MEMO1: variants seen among roughly 807,000 people sequenced by gnomAD.
MEMO1 encodes mediator of cell motility 1.
A neutral mutation model predicts 45.2 loss-of-function variants in MEMO1; 6 were observed. The ratio of observed to expected loss-of-function variants is 0.13; its 90% CI spans 0.07 to 0.26. MEMO1 has a LOEUF of 0.26. Among genes scored for constraint, MEMO1 ranks in the 10% least tolerant of loss-of-function variants. The probability of loss-of-function intolerance (pLI) is 1.00; values close to 1 mark genes in which losing one functional copy is unlikely to be tolerated. For synonymous variants in MEMO1, 78 were observed against 124.3 expected (o/e 0.63, Z 2.48); for missense variants, 184 against 370.5 (o/e 0.50, Z 4.13).
intron 4 of MEMO1, among the ~76,000 whole-genome samples, chr2:31,922,914 G>T (rs1017725043): frequency 2.0e-5 from 3 of 151,946 alleles, no homozygotes; most frequent in Non-Finnish European, 4.4e-5. Flanking sequence ...TTACTATTGT[G>T]AACAGTGCTG....
intron 2 of MEMO1, among the ~76,000 whole-genome samples, chr2:31,948,675 G>T (rs1166986989): frequency 6.6e-6 from 1 of 152,200 alleles, no homozygotes; most frequent in Non-Finnish European, 1.5e-5. Flanking sequence ...AAAGCGGGTA[G>T]ATCATTTGAG....
At chr2:31,963,848 G>A (rs537868112) in intron 2 of MEMO1, among the ~76,000 whole-genome samples, 3 of 152,252 alleles carry the variant, frequency 2.0e-5, no homozygotes, top group Admixed American at 2.0e-4. Context: ...CTGGGTACTT[G>A]AAATGTGGCT....
At chr2:31,957,009 G>C (rs1242695631) in intron 2 of MEMO1, among the ~76,000 whole-genome samples, 1 of 152,088 alleles carries the variant, frequency 6.6e-6, no homozygotes, top group Non-Finnish European at 1.5e-5. Flanking sequence ...GGGTGTGGTA[G>C]CATGTGCCTG....
chr2:31,952,841 T>C (rs1666987356), intron 2 of MEMO1, among the ~76,000 whole-genome samples: 5 of 152,208 alleles, frequency 3.3e-5, no homozygotes, highest in Admixed American at 3.3e-4. Flanking sequence ...TTCTAGTCTT[T>C]AAGATGATAT....
intron 4 of MEMO1, among the ~76,000 whole-genome samples, chr2:31,924,545 A>G (rs1399823903): frequency 6.6e-6 from 1 of 152,158 alleles, no homozygotes; most frequent in African/African-American, 2.4e-5. Flanking sequence ...TAATAGCTAT[A>G]ATAGAGAATT....
chr2:31,896,567 T>A (rs1452489864), intron 6 of MEMO1, among the ~76,000 whole-genome samples: 1 of 152,170 alleles, frequency 6.6e-6, no homozygotes, highest in African/African-American at 2.4e-5. Context: ...TGACTCTTGT[T>A]CAAGAACGAA....
chr2:31,924,958 C>A (rs952920552), intron 4 of MEMO1, among the ~76,000 whole-genome samples: 1 of 152,268 alleles, frequency 6.6e-6, no homozygotes, highest in South Asian at 2.1e-4. Context: ...TTGCTTAAAG[C>A]CTTTTATGGC....
chr2:31,954,032 G>A (rs1667136662), intron 2 of MEMO1, among the ~76,000 whole-genome samples: 2 of 152,072 alleles, frequency 1.3e-5, no homozygotes, highest in South Asian at 4.1e-4. Flanking sequence ...TGACTTCTAA[G>A]ATACTTATTT....
At chr2:31,903,615 G>A (rs550195691) in intron 6 of MEMO1, among the ~76,000 whole-genome samples, 5 of 152,142 alleles carry the variant, frequency 3.3e-5, no homozygotes, top group South Asian at 4.2e-4. Flanking sequence ...TGTTCTATAC[G>A]TCTTAAAAAT....
intron 3 of MEMO1, among the ~76,000 whole-genome samples, chr2:31,941,503 G>T (rs1665611566): frequency 6.6e-6 from 1 of 152,072 alleles, no homozygotes; most frequent in Admixed American, 6.5e-5. Flanking sequence ...TTTGTTTACT[G>T]CCTGTCTTCC....
chr2:31,983,260 A>T (rs1314914010), intron 2 of MEMO1, among the ~76,000 whole-genome samples: 2 of 151,888 alleles, frequency 1.3e-5, no homozygotes, highest in African/African-American at 2.4e-5. Flanking sequence ...GACTCTGCCT[A>T]AAAAAAATTT....
At chr2:31,886,049 T>A (rs1443660842) in intron 7 of MEMO1, among the ~76,000 whole-genome samples, 1 of 152,212 alleles carries the variant, frequency 6.6e-6, no homozygotes, top group African/African-American at 2.4e-5. Flanking sequence ...AAATACTGGA[T>A]CGGCATGGGA....
chr2:31,875,007 C>A (rs112157021), intron 8 of MEMO1, among the ~76,000 whole-genome samples: 1 of 151,802 alleles, frequency 6.6e-6, no homozygotes, highest in African/African-American at 2.4e-5. Flanking sequence ...CCCATGTATT[C>A]TAACTCCCAG....
chr2:32,006,801 C>A (rs573782467), intron 2 of MEMO1, among the ~76,000 whole-genome samples: 18 of 151,996 alleles, frequency 1.2e-4, no homozygotes, highest in Non-Finnish European at 2.4e-4. Context: ...CCCATCTCTA[C>A]TAAAAATACA....
chr2:31,986,242 C>CA (rs1558556148), intron 2 of MEMO1, among the ~76,000 whole-genome samples: 1 of 151,832 alleles, frequency 6.6e-6, no homozygotes, highest in Admixed American at 6.6e-5. Flanking sequence ...AAAATACAAA[C>CA]AAAAAAATTA....
intron 4 of MEMO1, among the ~76,000 whole-genome samples, chr2:31,922,942 C>T (rs1033438892): frequency 6.6e-6 from 1 of 152,020 alleles, no homozygotes; most frequent in African/African-American, 2.4e-5. Context: ...CACATGTGTA[C>T]ATATGTCTTT....
chr2:31,889,342 C>T (rs1479533942), intron 7 of MEMO1, among the ~76,000 whole-genome samples: 2 of 152,062 alleles, frequency 1.3e-5, no homozygotes, highest in East Asian at 3.8e-4. Flanking sequence ...GCATGAGGAA[C>T]TGAATCCCTC....
intron 6 of MEMO1, among the ~76,000 whole-genome samples, chr2:31,917,394 C>T (rs1341970955): frequency 2.0e-5 from 3 of 152,058 alleles, no homozygotes; most frequent in Non-Finnish European, 2.9e-5. Context: ...CAGTAGAGAA[C>T]AAAATAGATA....
intron 7 of MEMO1, among the ~76,000 whole-genome samples, chr2:31,888,782 A>G (rs1207292322): frequency 6.6e-6 from 1 of 152,050 alleles, no homozygotes; most frequent in Non-Finnish European, 1.5e-5. Context: ...AGGAACTGAA[A>G]TGCAGGGTTT....
Sources: allele counts gnomAD v4.1 joint callset (sites outside exome capture counted in the v4.1 genomes callset), GRCh38; gene constraint gnomAD v4.1.1; transcripts MANE v1.5; gene names NCBI Gene and HGNC (gene_info 2026-07-23, HGNC 2026-07-21).